The following VARS1 variants were observed in gnomAD, a reference collection of about 807,000 sequenced individuals.
VARS1 encodes the protein valine--tRNA ligase.
VARS1 carries 92 observed loss-of-function variants against 161.0 expected under a neutral mutation model. The ratio of observed to expected loss-of-function variants is 0.57; its 90% CI spans 0.48 to 0.68. The LOEUF (loss-of-function observed/expected upper bound fraction) is 0.68. Among genes scored for constraint, VARS1 ranks in the 30% least tolerant of loss-of-function variants. The pLI is 0.00. For missense variants in VARS1, 1,338 were observed against 1,695.9 expected (o/e 0.79, Z 3.71); for synonymous variants, 595 against 682.5 (o/e 0.87, Z 2.00).
Position 31,783,085 on chromosome 6 carries a change from C to A in VARS1, c.1762+11G>T. The A allele has an allele frequency of 6.2e-7, 1 of 1,611,976 alleles. No homozygotes were observed. The highest frequency in any genetic ancestry group is 8.5e-7 in the Non-Finnish European group (1 of 1,179,570). On this transcript the variant is annotated intron_variant, in intron 14 of 29. Coordinates refer to ENST00000375663, the MANE Select transcript of VARS1 (RefSeq NM_006295.3). ...CTTTTCCTCTCCCCACAGGACCAGC[C>A]CCTTGCCCACCTGTGCCAAAGTCCA...
Position 31,779,380 on chromosome 6 carries a change from T to C in VARS1, c.3400+45A>G. On this transcript the variant is annotated intron_variant, in intron 28 of 29. Transcript: ENST00000375663. This position sits in a 1 kb window ranked among gnomAD's most constrained non-coding sequence, Gnocchi z 9.1. ...CCGGACACTGGGTCCCAGAGTAGGC[T>C]GAGGGGACAGTGGGATGGGGCGGAC... The C allele has an allele frequency of 6.2e-7, 1 of 1,605,892 alleles. No homozygotes were observed. The highest frequency in any genetic ancestry group is 8.5e-7 in the Non-Finnish European group (1 of 1,179,024).
intron 8 of VARS1, among the ~76,000 whole-genome samples, chr6:31,788,499 A>C (rs1365764113): frequency 7.3e-6 from 1 of 137,128 alleles, no homozygotes. Flanking sequence ...TGTCTCAAAA[A>C]AACAAAAAAA....
At position 31,779,730 on chromosome 6, in the gene VARS1, C is replaced by T; in HGVS notation, c.3166G>A (p.Gly1056Ser). ...ATGAAGGGTGAGAGCAGCCGCAGGC[C>T]AACGTCCAGGCAAGTGTACAGGGTC... ...RQTLYTCLDV[G>S]LRLLSPFMPF... The change falls in exon 27 of 30, where the codon GGC becomes AGC. Residue 1056 changes from glycine to serine, a missense_variant. Physicochemically the swap from Gly to Ser is moderately conservative, Grantham distance 56 (BLOSUM62 0). Transcript: ENST00000375663. This position sits in a 1 kb window ranked among gnomAD's most constrained non-coding sequence, Gnocchi z 9.1. 1 of 1,613,004 alleles carries T rather than the reference C, an allele frequency of 6.2e-7. No individual in the cohort carries two copies. Among genetic ancestry groups the T allele is most frequent in the Non-Finnish European group, 8.5e-7 (1 of 1,179,992 alleles).
Position 31,794,873 on chromosome 6 carries a change from C to A in VARS1, c.345G>T (p.Thr115=). 1 of 1,611,142 alleles carries A rather than the reference C, an allele frequency of 6.2e-7. No homozygotes were observed. Among genetic ancestry groups the A allele is most frequent in the Non-Finnish European group, 8.5e-7 (1 of 1,178,776 alleles). ...TELIPAACGA[T]LPALGLRSSA... is the part of the protein sequence containing the mutation. ...AGCTTCGGAGTCCCAGGGCCGGCAGCGTTGCTCCACAGGCAGCTGGTATTA... is the reference window on the plus strand; with the variant it reads ...AGCTTCGGAGTCCCAGGGCCGGCAGAGTTGCTCCACAGGCAGCTGGTATTA... The change falls in exon 2 of 30, where the codon ACG becomes ACT. Residue 115 remains threonine (T), a synonymous_variant. Coordinates refer to ENST00000375663, the MANE Select transcript of VARS1 (RefSeq NM_006295.3).
At position 31,779,093 on chromosome 6, in the gene VARS1, C is replaced by T. The variant is rs2151416670; in HGVS notation, c.3600G>A (p.Glu1200=). The part of the protein sequence containing the change: ...QLQGLVDPAR[E]LGKLQAKRVE... ...CTCGCTTGGCTTGCAGCTTGCCCAG[C>T]TCCCGTGCAGGGTCCACCAGCCCCT... is the stretch of plus-strand genomic sequence containing the variant. The change falls in exon 29 of 30, where the codon GAG becomes GAA. Residue 1200 remains glutamate (E), a synonymous_variant. Coordinates refer to ENST00000375663, the MANE Select transcript of VARS1 (RefSeq NM_006295.3). The surrounding 1 kb of genome is among the most constrained non-coding windows in gnomAD (Gnocchi z 9.1). The T allele has an allele frequency of 6.2e-7, 1 of 1,611,616 alleles. No homozygotes were observed. The highest frequency in any genetic ancestry group is 8.5e-7 in the Non-Finnish European group (1 of 1,179,392).
Position 31,780,225 on chromosome 6 carries a change from G to C in VARS1, c.2926-72C>G. On this transcript the variant is annotated intron_variant, in intron 25 of 29. Transcript: ENST00000375663. This position sits in a 1 kb window ranked among gnomAD's most constrained non-coding sequence, Gnocchi z 5.1. ...AGAACCCCATGGGGGCAGGAGTCATGGGCAAATCTTCATCCAGAGTCTGAT... is the reference window on the plus strand; with the variant it reads ...AGAACCCCATGGGGGCAGGAGTCATCGGCAAATCTTCATCCAGAGTCTGAT... The C allele has an allele frequency of 6.3e-7, 1 of 1,589,388 alleles. No individual in the cohort carries two copies. Among genetic ancestry groups the C allele is most frequent in the Non-Finnish European group, 8.5e-7 (1 of 1,169,686 alleles).
rs988019223 is a variant in VARS1 at position 31,785,405 on chromosome 6, A to T, written c.1266-78T>A. The T allele has an allele frequency of 1.9e-6, 3 of 1,583,256 alleles. No individual in the cohort carries two copies. In the African/African-American group the frequency reaches 4.0e-5, roughly 21 times the overall value. On this transcript the variant is annotated intron_variant, in intron 9 of 29. Transcript: ENST00000375663. This position sits in a 1 kb window ranked among gnomAD's most constrained non-coding sequence, Gnocchi z 6.1. ...TCAGGTGGCTGACTGGGCAGTGTGG[A>T]GATCACCCATCCCCCTGAAATTTAC...
At position 31,780,352 on chromosome 6, in the gene VARS1, A is replaced by G. The variant is rs987305672; in HGVS notation, c.2925+89T>C. 8.4e-6 allele frequency: 13 copies of G among 1,555,934 alleles called. No individual in the cohort carries two copies. The highest frequency in any genetic ancestry group is 8.2e-5 in the African/African-American group (6 of 73,434). On this transcript the variant is annotated intron_variant, in intron 25 of 29. Coordinates refer to ENST00000375663, the MANE Select transcript of VARS1 (RefSeq NM_006295.3). The surrounding 1 kb of genome is among the most constrained non-coding windows in gnomAD (Gnocchi z 5.1). ...CCTTTAACTGTCTGTCTCTGTGTCT[A>G]TCTGTCCCCCCAGCTACATGGAGGC...
At position 31,795,155 on chromosome 6, in the gene VARS1, G is replaced by A; in HGVS notation, c.63C>T (p.Ala21=). 6.7e-7 allele frequency: 1 copy of A among 1,482,910 alleles called. No homozygotes were observed. Among genetic ancestry groups the A allele is most frequent in the Non-Finnish European group, 9.0e-7 (1 of 1,116,760 alleles). The allele number at this position is 1,482,910 out of a possible 1,614,324, so 91.9% of individuals were successfully genotyped here. Residue 21 remains alanine (A), a synonymous_variant, in exon 2 of 30, where the codon GCC becomes GCT. Coordinates refer to ENST00000375663, the MANE Select transcript of VARS1 (RefSeq NM_006295.3). This position sits in a 1 kb window ranked among gnomAD's most constrained non-coding sequence, Gnocchi z 6.9. ...CCTCCCCAGCCTCCCCATAGCGAGC[G>A]GCTATGAGGGCTCGGAGGCTGGGGA... ...DAFPSLRALI[A]ARYGEAGEGP...
At chr6:31,783,509 C>A (rs1813297491) in intron 13 of VARS1, among the ~76,000 whole-genome samples, 44 of 151,890 alleles carry the variant, frequency 2.9e-4, no homozygotes, top group Admixed American at 2.9e-3. Context: ...GACCCTCTCT[C>A]AAAAATAAAT....
chr6:31,784,976 A>C lies in VARS1; in HGVS notation c.1348-262T>G, dbSNP rs559962381. Among the ~76,000 whole-genome samples, 1 of 152,322 alleles carries C rather than the reference A, an allele frequency of 6.6e-6. No individual in the cohort carries two copies. Among genetic ancestry groups the C allele is most frequent in the African/African-American group, 2.4e-5 (1 of 41,566 alleles). On this transcript the variant is annotated intron_variant, in intron 10 of 29. Coordinates refer to ENST00000375663, the MANE Select transcript of VARS1 (RefSeq NM_006295.3). This position sits in a 1 kb window ranked among gnomAD's most constrained non-coding sequence, Gnocchi z 6.1. The stretch of plus-strand genomic sequence containing the variant: ...AAGTACTGGTGCAGAGGACACTGGG[A>C]GTTCAGGCTCCATGGGAGACGGGGT...
intron 2 of VARS1, 38 bp downstream of exon 2, chr6:31,794,793 A>C (rs1304050076): frequency 1.3e-6 from 2 of 1,509,118 alleles, no homozygotes; most frequent in Middle Eastern, 4.7e-4. Context: ...CCCTCCTCTG[A>C]ATTTCTCCCC....
Position 31,781,985 on chromosome 6 carries a change from G to C in VARS1, c.2242-33C>G. The C allele has an allele frequency of 1.2e-6, 2 of 1,613,054 alleles. No individual in the cohort carries two copies. The highest frequency in any genetic ancestry group is 1.7e-6 in the Non-Finnish European group (2 of 1,179,906). ...AGGTGCAGTGATTACCCAAGGGGGT[G>C]TGTCTGCTTCTGGCTCACCCTGCCC... On this transcript the variant is annotated intron_variant, in intron 18 of 29. Coordinates refer to ENST00000375663, the MANE Select transcript of VARS1 (RefSeq NM_006295.3). This position sits in a 1 kb window ranked among gnomAD's most constrained non-coding sequence, Gnocchi z 6.8.
chr6:31,792,073 G>A, intron 6 of VARS1, 102 bp from the exon 7 acceptor site: 2 of 1,459,448 alleles, frequency 1.4e-6, no homozygotes, highest in Non-Finnish European at 1.9e-6. Context: ...TCACATCATA[G>A]GACAGGCATT....
At chr6:31,788,513 A>AAC (rs1554223059) in intron 8 of VARS1, among the ~76,000 whole-genome samples, 1 of 149,152 alleles carries the variant, frequency 6.7e-6, no homozygotes, top group Admixed American at 6.7e-5. Context: ...AAAAAAAACA[A>AAC]AAAAAAAAAC....
rs759414554 is a variant in VARS1, at chr6:31,782,693, C to T, written c.1887+28G>A. 16 of 1,612,908 alleles carry T rather than the reference C, an allele frequency of 9.9e-6. No homozygotes were observed. In the South Asian group the frequency reaches 1.3e-4, roughly 13 times the overall value. ...CAGCCATCCCTCCATCTCCCTGACC[C>T]GGGCACTCTTGCCTCAGGCAGCCTC... On this transcript the variant is annotated intron_variant, in intron 15 of 29. Coordinates refer to ENST00000375663, the MANE Select transcript of VARS1 (RefSeq NM_006295.3). This position sits in a 1 kb window ranked among gnomAD's most constrained non-coding sequence, Gnocchi z 8.3.
chr6:31,790,191 C>T (rs902650350), intron 8 of VARS1, among the ~76,000 whole-genome samples: 4 of 151,530 alleles, frequency 2.6e-5, no homozygotes, highest in Admixed American at 1.3e-4. Flanking sequence ...CGTCCTGGGC[C>T]GCATGTGGCC....
Position 31,791,326 on chromosome 6 carries a change from CAA to C in VARS1, c.1100+282_1100+283del, listed in dbSNP as rs1813851193. Among the ~76,000 whole-genome samples, 1 of 151,536 alleles carries C rather than the reference CAA, an allele frequency of 6.6e-6. No individual in the cohort carries two copies. The highest frequency in any genetic ancestry group is 2.1e-4 in the South Asian group (1 of 4,800). Reference sequence around the variant, plus strand: ...AGGAGTTGGAGACCAGACTGAGCAACAAAGTGAAAACTCATCTTTACAAAAAA... The same window carrying C: ...AGGAGTTGGAGACCAGACTGAGCAACAGTGAAAACTCATCTTTACAAAAAA... On this transcript the variant is annotated intron_variant, in intron 8 of 29. Coordinates refer to ENST00000375663, the MANE Select transcript of VARS1 (RefSeq NM_006295.3). This position sits in a 1 kb window ranked among gnomAD's most constrained non-coding sequence, Gnocchi z 5.0.
chr6:31,787,935 G>A (rs1562307123), intron 8 of VARS1, among the ~76,000 whole-genome samples: 1 of 151,864 alleles, frequency 6.6e-6, no homozygotes, highest in African/African-American at 2.4e-5. Context: ...TGGCTAACAC[G>A]GTGAAACCCC....
Sources: gnomAD v4.1 joint callset for allele counts (sites outside exome capture counted in the v4.1 genomes callset) on GRCh38, gnomAD v4.1.1 for gene constraint, Gnocchi (gnomAD v3.1) non-coding constraint, MANE v1.5 for transcripts, NCBI Gene and HGNC (gene_info 2026-07-23, HGNC 2026-07-21) for gene names.